The following RBMS1 variants were observed in gnomAD, a reference collection of about 807,000 sequenced individuals.
The protein encoded by RBMS1 is RNA binding motif single stranded interacting protein 1.
In RBMS1, 17 loss-of-function variants were observed where a neutral mutation model predicts 62.3. The observed-to-expected ratio is 0.27, with a 90% CI of 0.19 to 0.41. RBMS1 has a LOEUF of 0.41. Among genes scored for constraint, RBMS1 ranks in the 10% least tolerant of loss-of-function variants. The pLI is 1.00. For missense variants in RBMS1, 334 were observed against 504.5 expected, an observed-to-expected ratio of 0.66 and a Z score of 3.24; for synonymous variants, 172 against 170.0, an observed-to-expected ratio of 1.01 and a Z score of -0.09.
chr2:160,325,369 G>A (rs947279060), intron 2 of RBMS1, among the ~76,000 whole-genome samples: 3 of 152,072 alleles, frequency 2.0e-5, no homozygotes, highest in Admixed American at 6.6e-5. Flanking sequence ...TGAGGGGGTC[G>A]GCAGGACTGG....
intron 2 of RBMS1, among the ~76,000 whole-genome samples, chr2:160,342,318 G>A (rs1691914390): frequency 6.6e-6 from 1 of 152,062 alleles, no homozygotes; most frequent in African/African-American, 2.4e-5. Flanking sequence ...ATATTTATTT[G>A]TTAATAGTGC....
chr2:160,419,158 C>T (rs1453441728), intron 1 of RBMS1, among the ~76,000 whole-genome samples: 2 of 152,104 alleles, frequency 1.3e-5, no homozygotes, highest in Non-Finnish European at 1.5e-5. Context: ...TAAAGAATAT[C>T]ATGCTAAATT....
At chr2:160,334,695 T>C (rs1440809365) in intron 2 of RBMS1, among the ~76,000 whole-genome samples, 8 of 152,092 alleles carry the variant, frequency 5.3e-5, no homozygotes. Context: ...AGGAGGAATG[T>C]ATGGAGCCAA....
intron 1 of RBMS1, among the ~76,000 whole-genome samples, chr2:160,438,630 A>G (rs1683223299): frequency 6.6e-6 from 1 of 152,242 alleles, no homozygotes; most frequent in African/African-American, 2.4e-5. Flanking sequence ...TTAGTACAGA[A>G]CAAAATGAAA....
At chr2:160,356,672 C>T (rs1267552764) in intron 2 of RBMS1, among the ~76,000 whole-genome samples, 1 of 152,118 alleles carries the variant, frequency 6.6e-6, no homozygotes, top group Non-Finnish European at 1.5e-5. Flanking sequence ...CAAGAAGGCC[C>T]TCACCTGATG....
chr2:160,386,947 T>C (rs560228416), intron 1 of RBMS1, among the ~76,000 whole-genome samples: 2 of 152,358 alleles, frequency 1.3e-5, no homozygotes, highest in Non-Finnish European at 2.9e-5. Context: ...GGGCTTACCT[T>C]CCAGTGTGCC....
chr2:160,443,383 C>A (rs1319379749), intron 1 of RBMS1, among the ~76,000 whole-genome samples: 1 of 152,144 alleles, frequency 6.6e-6, no homozygotes, highest in African/African-American at 2.4e-5. Flanking sequence ...TTTGTCCCCA[C>A]CCAAATCTCA....
chr2:160,352,642 G>A (rs964741715), intron 2 of RBMS1, among the ~76,000 whole-genome samples: 4 of 152,088 alleles, frequency 2.6e-5, no homozygotes, highest in African/African-American at 7.2e-5. Flanking sequence ...GTAACTCTGC[G>A]TTGGTATTCT....
chr2:160,285,955 C>T (rs1688362776), intron 7 of RBMS1, among the ~76,000 whole-genome samples: 1 of 151,600 alleles, frequency 6.6e-6, no homozygotes, highest in Non-Finnish European at 1.5e-5. Context: ...AGTAAAAATA[C>T]AAAAAATTAG....
intron 1 of RBMS1, among the ~76,000 whole-genome samples, chr2:160,403,304 G>A (rs1225795555): frequency 2.6e-5 from 4 of 152,260 alleles, no homozygotes; most frequent in East Asian, 1.9e-4. Context: ...GCTTGAAGAC[G>A]TTTACTTTCT....
Position 160,287,084 on chromosome 2 carries a change from G to T in RBMS1, c.641C>A (p.Ala214Asp), listed in dbSNP as rs766708130. The change falls in exon 7 of 14, where the codon GCC (alanine) becomes GAC (aspartate). Residue 214 changes from alanine (A) to aspartate (D), a missense_variant and splice_region_variant. Transcript: ENST00000348849. ...CTTACACAATAAAGGTTCTGTGGGG[G>T]CTAAGTAAACAGAGAAAAATAAAAT... is the stretch of plus-strand genomic sequence containing the variant. ...KFIKTPPGVS[A>D]PTEPLLCKFA... is the part of the protein sequence containing the mutation. 58 of 1,613,776 alleles carry T rather than the reference G, an allele frequency of 3.6e-5. 2 individuals are homozygous for T. The highest frequency in any genetic ancestry group is 1.9e-4 in the South Asian group (17 of 91,072).
chr2:160,286,941 C>A, intron 7 of RBMS1, 28 bp downstream of exon 7: 2 of 1,606,726 alleles, frequency 1.2e-6, no homozygotes, highest in African/African-American at 1.3e-5. Flanking sequence ...CCCTCCCCCA[C>A]CCCGCAAAGT....
chr2:160,331,081 C>G (rs1420128880), intron 2 of RBMS1, among the ~76,000 whole-genome samples: 1 of 152,116 alleles, frequency 6.6e-6, no homozygotes, highest in African/African-American at 2.4e-5. Flanking sequence ...GCATGTTCCC[C>G]CACAGGTTTC....
intron 2 of RBMS1, among the ~76,000 whole-genome samples, chr2:160,344,115 T>C (rs1488207887): frequency 6.6e-6 from 1 of 152,148 alleles, no homozygotes; most frequent in East Asian, 1.9e-4. Flanking sequence ...AAATGGACAT[T>C]TTCTTTCTTT....
At chr2:160,395,641 A>T (rs1344366313) in intron 1 of RBMS1, among the ~76,000 whole-genome samples, 3 of 152,024 alleles carry the variant, frequency 2.0e-5, no homozygotes, top group African/African-American at 7.2e-5. Context: ...AAAAAAAAAA[A>T]AAAAATCAGA....
chr2:160,461,973 A>G (rs1436761852), intron 1 of RBMS1, among the ~76,000 whole-genome samples: 1 of 152,208 alleles, frequency 6.6e-6, no homozygotes, highest in Non-Finnish European at 1.5e-5. Flanking sequence ...AATAATTTCA[A>G]TCAATATTCA....
intron 1 of RBMS1, among the ~76,000 whole-genome samples, chr2:160,383,283 T>C (rs1298016854): frequency 1.3e-5 from 2 of 152,016 alleles, no homozygotes; most frequent in African/African-American, 4.8e-5. Flanking sequence ...AATATCAACC[T>C]CCATCTTCAC....
At chr2:160,295,181 AG>A (rs1688875803) in intron 6 of RBMS1, among the ~76,000 whole-genome samples, 1 of 152,230 alleles carries the variant, frequency 6.6e-6, no homozygotes, top group Non-Finnish European at 1.5e-5. Flanking sequence ...TCATGCCTAA[AG>A]GCAATTTAAC....
chr2:160,352,652 T>C (rs766617806), intron 2 of RBMS1, among the ~76,000 whole-genome samples: 13 of 152,154 alleles, frequency 8.5e-5, no homozygotes, highest in Non-Finnish European at 1.6e-4. Flanking sequence ...GTTGGTATTC[T>C]TTTGGAAATT....
Sources: gnomAD v4.1 joint callset for allele counts (sites outside exome capture counted in the v4.1 genomes callset) on GRCh38, gnomAD v4.1.1 for gene constraint, MANE v1.5 for transcripts, NCBI Gene and HGNC (gene_info 2026-07-23, HGNC 2026-07-21) for gene names.